Variants in ATIC observed in about 807,000 individuals in gnomAD.
ATIC encodes bifunctional purine biosynthesis protein ATIC.
A neutral mutation model predicts 72.5 loss-of-function variants in ATIC; 64 were observed. The observed-to-expected ratio is 0.88, with a 90% CI of 0.72 to 1.09. The LOEUF is 1.09. Ranked by LOEUF, ATIC falls within the 50% of genes least tolerant of loss-of-function variation. The pLI is 0.00. For synonymous variants in ATIC, 281 were observed against 267.1 expected (o/e 1.05, Z -0.51); for missense variants, 787 against 732.4 (o/e 1.07, Z -0.86).
the ATIC span, chr2:215,364,644 T>C: frequency 6.9e-6 from 4 of 576,442 alleles, no homozygotes; most frequent in Non-Finnish European, 1.2e-5. Flanking sequence ...TTTTTGGTAC[T>C]CTACATGCCA....
the ATIC span, among the ~76,000 whole-genome samples, chr2:215,359,507 C>G: frequency 6.6e-6 from 1 of 152,080 alleles, no homozygotes; most frequent in Non-Finnish European, 1.5e-5. Context: ...TTTGTACTTT[C>G]TGTGATTTTT....
chr2:215,339,721 G>A (rs894288541), intron 12 of ATIC, among the ~76,000 whole-genome samples: 9 of 145,758 alleles, frequency 6.2e-5, no homozygotes, highest in South Asian at 2.2e-4. Flanking sequence ...TGCAAGCTCC[G>A]CCTCCCGGGT....
At chr2:215,325,213 G>T in intron 4 of ATIC, 28 bp from the exon 5 acceptor site, 2 of 1,579,136 alleles carry the variant, frequency 1.3e-6, no homozygotes, top group South Asian at 2.2e-5. Flanking sequence ...ACTTTTTAAT[G>T]ACAGCCAGAT....
the ATIC span, chr2:215,362,430 G>T: frequency 5.7e-5 from 17 of 297,512 alleles, no homozygotes; most frequent in South Asian, 5.6e-4. Flanking sequence ...GAATCCTAGC[G>T]ATTTTAAAAG....
At chr2:215,362,915 T>C in the ATIC span, 1 of 152,430 alleles carries the variant, frequency 6.6e-6, no homozygotes, top group African/African-American at 2.4e-5. Flanking sequence ...GCGCCATTGC[T>C]GGAGCAGCCC....
At chr2:215,325,468 T>G in intron 5 of ATIC, 139 bp downstream of exon 5, 2 of 606,684 alleles carry the variant, frequency 3.3e-6, no homozygotes, top group Non-Finnish European at 5.6e-6. Flanking sequence ...TTACTATAAT[T>G]CATTTATATT....
intron 7 of ATIC, 53 bp downstream of exon 7, chr2:215,327,031 T>G: frequency 5.6e-6 from 9 of 1,609,730 alleles, no homozygotes; most frequent in Middle Eastern, 1.7e-4. Context: ...GAGTGTGTGT[T>G]TCTCTGTATT....
At chr2:215,353,100 G>T (rs965187625), downstream of ATIC, among the ~76,000 whole-genome samples, 1 of 152,170 alleles carries the variant, frequency 6.6e-6, no homozygotes, top group Non-Finnish European at 1.5e-5. Context: ...TTAAAAACAC[G>T]GACCATGTTT....
chr2:215,337,476 C>G (rs1214051880), intron 11 of ATIC, among the ~76,000 whole-genome samples: 1 of 152,114 alleles, frequency 6.6e-6, no homozygotes, highest in Non-Finnish European at 1.5e-5. Context: ...AAGCGATTTT[C>G]CTGCCTCACC....
At chr2:215,365,445 G>A in the ATIC span, 1 of 1,550,060 alleles carries the variant, frequency 6.5e-7, no homozygotes, top group East Asian at 2.2e-5. Context: ...GAGAGTTACA[G>A]CCTGATAATG....
chr2:215,331,787 G>C (rs1388410040), intron 7 of ATIC, among the ~76,000 whole-genome samples: 1 of 152,116 alleles, frequency 6.6e-6, no homozygotes, highest in Non-Finnish European at 1.5e-5. Context: ...TGCCAGTGTT[G>C]AGAAACTAGG....
At chr2:215,324,769 T>C (rs930445743) in intron 4 of ATIC, among the ~76,000 whole-genome samples, 2 of 152,202 alleles carry the variant, frequency 1.3e-5, no homozygotes, top group Non-Finnish European at 2.9e-5. Flanking sequence ...GCAAAACAAA[T>C]GTTTCACCCT....
At chr2:215,365,491 C>T in the ATIC span, 1 of 1,613,594 alleles carries the variant, frequency 6.2e-7, no homozygotes, top group Middle Eastern at 1.6e-4. Context: ...TAAAAATGAT[C>T]TGTGATGACA....
At chr2:215,319,511 C>A (rs1044784667) in intron 3 of ATIC, among the ~76,000 whole-genome samples, 154 bp from the exon 4 acceptor site, 1 of 152,044 alleles carries the variant, frequency 6.6e-6, no homozygotes, top group Non-Finnish European at 1.5e-5. Flanking sequence ...CCACTACAAT[C>A]CAGCCTGGGC....
chr2:215,330,719 T>C (rs1485603965), intron 7 of ATIC, among the ~76,000 whole-genome samples: 2 of 151,824 alleles, frequency 1.3e-5, no homozygotes, highest in African/African-American at 2.4e-5. Context: ...TTTCTTTTTT[T>C]TTTTTTTGGA....
At chr2:215,349,487 C>A in intron 15 of ATIC, 49 bp from the exon 16 acceptor site, 1 of 1,613,320 alleles carries the variant, frequency 6.2e-7, no homozygotes, top group Non-Finnish European at 8.5e-7. Context: ...TTGAGTTTTG[C>A]AGGTTTTTAC....
chr2:215,351,906 A>T (rs976893792), downstream of ATIC, among the ~76,000 whole-genome samples: 3 of 152,342 alleles, frequency 2.0e-5, no homozygotes, highest in African/African-American at 7.2e-5. Context: ...AAATAGGAGA[A>T]TAGCACTTTA....
At chr2:215,316,383 T>G (rs2052709484) in intron 2 of ATIC, among the ~76,000 whole-genome samples, 1 of 152,166 alleles carries the variant, frequency 6.6e-6, no homozygotes, top group Non-Finnish European at 1.5e-5. Flanking sequence ...ATGGCTCCCC[T>G]TAACAGGAGA....
intron 4 of ATIC, among the ~76,000 whole-genome samples, chr2:215,323,738 A>G (rs2052793683): frequency 6.6e-6 from 1 of 152,174 alleles, no homozygotes; most frequent in Non-Finnish European, 1.5e-5. Context: ...CTTCTAGTAC[A>G]GTGTTCAGTA....
Sources: gnomAD v4.1 joint callset for allele counts (sites outside exome capture counted in the v4.1 genomes callset) on GRCh38, gnomAD v4.1.1 for gene constraint, MANE v1.5 for transcripts, NCBI Gene and HGNC (gene_info 2026-07-23, HGNC 2026-07-21) for gene names.